Variants in KIF2A observed in about 807,000 individuals in gnomAD.
KIF2A encodes the protein kinesin family member 2A.
Under a neutral mutation model 100.2 loss-of-function variants are expected in KIF2A, and 22 were observed. The ratio of observed to expected loss-of-function variants is 0.22; its 90% confidence interval spans 0.16 to 0.31. KIF2A has a LOEUF of 0.31. Among genes scored for constraint, KIF2A ranks in the 10% least tolerant of loss-of-function variants. KIF2A has a pLI of 1.00. For synonymous variants in KIF2A, 268 were observed against 285.9 expected (o/e 0.94, Z 0.63); for missense variants, 495 against 898.7 (o/e 0.55, Z 5.74).
chr5:62,335,553 A>C (rs1341611380), intron 1 of KIF2A, among the ~76,000 whole-genome samples: 1 of 152,154 alleles, frequency 6.6e-6, no homozygotes, highest in African/African-American at 2.4e-5. Flanking sequence ...GGTCACAAGC[A>C]CTTGTAACTT....
chr5:62,337,924 C>T (rs1747057131), intron 1 of KIF2A, among the ~76,000 whole-genome samples: 1 of 151,846 alleles, frequency 6.6e-6, no homozygotes, highest in East Asian at 1.9e-4. Flanking sequence ...CAGTCAGAAT[C>T]CCAATAGGTA....
At chr5:62,313,701 T>G (rs1745668634) in intron 1 of KIF2A, among the ~76,000 whole-genome samples, 1 of 152,218 alleles carries the variant, frequency 6.6e-6, no homozygotes, top group African/African-American at 2.4e-5. Context: ...AGCCCTAGTC[T>G]GCCAATTGAA....
chr5:62,308,437 T>C (rs1447324832), intron 1 of KIF2A: 9 of 1,039,972 alleles, frequency 8.7e-6, no homozygotes, highest in Admixed American at 4.0e-5. Context: ...TGTGAAGATA[T>C]CTGCACTCTC....
intron 16 of KIF2A, among the ~76,000 whole-genome samples, chr5:62,368,796 G>T (rs1404236229): frequency 1.3e-5 from 2 of 151,588 alleles, no homozygotes; most frequent in Non-Finnish European, 2.9e-5. Flanking sequence ...AAAAGTAATA[G>T]AACTACATTT....
At position 62,337,111 on chromosome 5, in the gene KIF2A, TACTC is replaced by T. The variant is rs1440939602; in HGVS notation, c.65-10017_65-10014del. On this transcript the variant is annotated intron_variant, in intron 1 of 20. Transcript: ENST00000407818. ...GATGGTTTAACAAGTGCCTACCAAA[TACTC>T]AAGAGTTGAATAATCTAATTTCACA... is the stretch of plus-strand genomic sequence containing the variant. Among the ~76,000 whole-genome samples the T allele has an allele frequency of 9.2e-5, 14 of 152,352 alleles. No individual in the cohort carries two copies. The East Asian group carries it at 2.1e-3, about 23-fold the overall frequency.
intron 1 of KIF2A, among the ~76,000 whole-genome samples, chr5:62,313,202 C>T (rs1221610240): frequency 3.3e-5 from 5 of 152,066 alleles, no homozygotes. Flanking sequence ...TTTGTGTGTA[C>T]ATTATTACTA....
intron 1 of KIF2A, among the ~76,000 whole-genome samples, chr5:62,342,121 G>A (rs957340792): frequency 2.0e-5 from 3 of 152,134 alleles, no homozygotes; most frequent in African/African-American, 7.2e-5. Flanking sequence ...CAAAACCTTT[G>A]TTGCTATAAT....
intron 1 of KIF2A, among the ~76,000 whole-genome samples, chr5:62,315,099 C>T (rs978906181): frequency 6.6e-6 from 1 of 151,854 alleles, no homozygotes; most frequent in African/African-American, 2.4e-5. Flanking sequence ...ATCACAGGGT[C>T]GTGTGTGGAA....
At chr5:62,357,617 A>G in intron 7 of KIF2A, 74 bp from the exon 8 acceptor site, 1 of 734,084 alleles carries the variant, frequency 1.4e-6, no homozygotes, top group Non-Finnish European at 2.2e-6. Flanking sequence ...CCTGGAGGAA[A>G]TATTACATAA....
At chr5:62,322,698 CG>C (rs1746158993) in intron 1 of KIF2A, among the ~76,000 whole-genome samples, 1 of 152,088 alleles carries the variant, frequency 6.6e-6, no homozygotes, top group South Asian at 2.1e-4. Flanking sequence ...GGGTGGGAAA[CG>C]GTTGCCTTTT....
intron 1 of KIF2A, among the ~76,000 whole-genome samples, chr5:62,339,923 A>T (rs1747199515): frequency 6.7e-6 from 1 of 149,848 alleles, no homozygotes; most frequent in African/African-American, 2.5e-5. Context: ...ATATCTGGGT[A>T]GTTACTTTTA....
chr5:62,339,442 T>C (rs778299496), intron 1 of KIF2A, among the ~76,000 whole-genome samples: 2 of 151,102 alleles, frequency 1.3e-5, no homozygotes, highest in African/African-American at 2.4e-5. Context: ...GGGATGAATA[T>C]ACAAACTATC....
chr5:62,365,648 C>T (rs1741029648), intron 15 of KIF2A, among the ~76,000 whole-genome samples: 1 of 151,706 alleles, frequency 6.6e-6, no homozygotes, highest in Non-Finnish European at 1.5e-5. Flanking sequence ...TCTTTATGGT[C>T]ATATGTCTGG....
intron 9 of KIF2A, among the ~76,000 whole-genome samples, 178 bp downstream of exon 9, chr5:62,358,477 A>C (rs1172356695): frequency 6.6e-6 from 1 of 152,182 alleles, no homozygotes; most frequent in Non-Finnish European, 1.5e-5. Flanking sequence ...GTTCTCTGTA[A>C]TGCTCCCCAA....
intron 6 of KIF2A, among the ~76,000 whole-genome samples, chr5:62,354,442 ACTT>A (rs1196442826): frequency 6.6e-6 from 1 of 152,152 alleles, no homozygotes; most frequent in Admixed American, 6.5e-5. Flanking sequence ...AAAAAATGTG[ACTT>A]CTTAGAATGA....
chr5:62,309,343 C>A (rs992131964), intron 1 of KIF2A, among the ~76,000 whole-genome samples: 2 of 152,154 alleles, frequency 1.3e-5, no homozygotes, highest in Admixed American at 6.6e-5. Flanking sequence ...ATTATCCTAA[C>A]CTATGGTCAT....
At chr5:62,383,399 C>T (rs1169368549) in intron 20 of KIF2A, among the ~76,000 whole-genome samples, 6 of 151,626 alleles carry the variant, frequency 4.0e-5, no homozygotes, top group Admixed American at 2.0e-4. Flanking sequence ...CCCGCCACCA[C>T]GCCTGGCTAA....
chr5:62,339,258 T>C (rs1747141111), intron 1 of KIF2A, among the ~76,000 whole-genome samples: 1 of 151,776 alleles, frequency 6.6e-6, no homozygotes, highest in Non-Finnish European at 1.5e-5. Context: ...CAGAACTCAC[T>C]GTCATGAGGA....
At chr5:62,324,239 TG>T (rs769608061) in intron 1 of KIF2A, among the ~76,000 whole-genome samples, 13 of 152,080 alleles carry the variant, frequency 8.5e-5, no homozygotes, top group Non-Finnish European at 1.5e-4. Flanking sequence ...AAACATTCCA[TG>T]ATCATGGATA....
Sources: allele counts gnomAD v4.1 joint callset (sites outside exome capture counted in the v4.1 genomes callset), GRCh38; gene constraint gnomAD v4.1.1; transcripts MANE v1.5; gene names NCBI Gene and HGNC (gene_info 2026-07-23, HGNC 2026-07-21).